The following SEMA6D variants were observed in gnomAD, a reference collection of about 807,000 sequenced individuals.
SEMA6D encodes the protein semaphorin 6D.
Under a neutral mutation model 106.6 loss-of-function variants are expected in SEMA6D, and 35 were observed. The ratio of observed to expected loss-of-function variants is 0.33; its 90% confidence interval spans 0.25 to 0.44. The LOEUF is 0.44. SEMA6D is among the 20% of genes least tolerant of loss of function. SEMA6D has a pLI of 1.00. For synonymous variants in SEMA6D, 499 were observed against 487.7 expected (o/e 1.02, Z -0.31); for missense variants, 1,185 against 1,345.9 (o/e 0.88, Z 1.87).
intron 3 of SEMA6D, among the ~76,000 whole-genome samples, chr15:47,553,747 A>T: frequency 6.7e-6 from 1 of 148,818 alleles, no homozygotes; most frequent in African/African-American, 2.5e-5. Flanking sequence ...ATAAGAAGGC[A>T]AAAAAAAAAA....
At chr15:47,521,754 G>A (rs1050596512) in intron 3 of SEMA6D, among the ~76,000 whole-genome samples, 8 of 152,298 alleles carry the variant, frequency 5.3e-5, no homozygotes, top group Admixed American at 5.2e-4. Context: ...GGGAGGCCAA[G>A]GCGGGTGGAT....
intron 4 of SEMA6D, among the ~76,000 whole-genome samples, chr15:47,645,527 T>C (rs1353624186): frequency 6.6e-6 from 1 of 152,020 alleles, no homozygotes; most frequent in Non-Finnish European, 1.5e-5. Context: ...CTTCTTCTTC[T>C]TCTCACTTAC....
intron 1 of SEMA6D, among the ~76,000 whole-genome samples, chr15:47,353,906 A>G (rs551105541): frequency 6.6e-6 from 1 of 152,122 alleles, no homozygotes; most frequent in African/African-American, 2.4e-5. Flanking sequence ...TAGAGACGAG[A>G]TGTGCAGGCA....
At chr15:47,626,060 A>G (rs1249330506) in intron 4 of SEMA6D, among the ~76,000 whole-genome samples, 1 of 152,166 alleles carries the variant, frequency 6.6e-6, no homozygotes, top group African/African-American at 2.4e-5. Context: ...AGACTTTTAA[A>G]ATATATAACT....
intron 3 of SEMA6D, among the ~76,000 whole-genome samples, chr15:47,494,035 T>G (rs976204936): frequency 3.9e-5 from 6 of 152,184 alleles, no homozygotes; most frequent in Non-Finnish European, 8.8e-5. Context: ...GTGTCACATT[T>G]TCTTCAAAGT....
chr15:47,248,755 AG>A (rs1320114806), intron 1 of SEMA6D, among the ~76,000 whole-genome samples: 1 of 152,218 alleles, frequency 6.6e-6, no homozygotes, highest in Non-Finnish European at 1.5e-5. Flanking sequence ...ACTCCCTAAT[AG>A]TTAGAGTTGA....
chr15:47,614,949 T>A (rs1222341505), intron 4 of SEMA6D, among the ~76,000 whole-genome samples: 1 of 152,188 alleles, frequency 6.6e-6, no homozygotes, highest in Non-Finnish European at 1.5e-5. Context: ...TTTTCGTCAA[T>A]TATTTTTATT....
At chr15:47,209,698 C>T (rs2141200253) in intron 1 of SEMA6D, among the ~76,000 whole-genome samples, 1 of 152,244 alleles carries the variant, frequency 6.6e-6, no homozygotes, top group Non-Finnish European at 1.5e-5. Flanking sequence ...TCCCTGGTCC[C>T]CGTCGCCTCT....
intron 1 of SEMA6D, among the ~76,000 whole-genome samples, chr15:47,266,243 T>C (rs987190145): frequency 3.9e-5 from 6 of 152,044 alleles, no homozygotes; most frequent in Admixed American, 6.6e-5. Context: ...TACACTTTTT[T>C]TTTCCAGAGC....
At chr15:47,744,105 A>G (rs185492275) in intron 1 of SEMA6D, among the ~76,000 whole-genome samples, 49 of 152,320 alleles carry the variant, frequency 3.2e-4, no homozygotes, top group African/African-American at 1.1e-3. Context: ...GGTAATAAAG[A>G]TAAAGTAGAG....
At chr15:47,303,680 A>G (rs372360272) in intron 1 of SEMA6D, among the ~76,000 whole-genome samples, 1 of 152,202 alleles carries the variant, frequency 6.6e-6, no homozygotes, top group African/African-American at 2.4e-5. Context: ...TTCATTCTAT[A>G]TTTATTGAGT....
chr15:47,347,530 A>G (rs1306968102), intron 1 of SEMA6D, among the ~76,000 whole-genome samples: 2 of 152,262 alleles, frequency 1.3e-5, no homozygotes, highest in African/African-American at 4.8e-5. Context: ...AACTAGAGAT[A>G]TATAAAAACC....
intron 3 of SEMA6D, among the ~76,000 whole-genome samples, chr15:47,532,197 T>G (rs1322006567): frequency 6.6e-6 from 1 of 152,212 alleles, no homozygotes. Context: ...TTAGCCTGTC[T>G]TGGTTGACTG....
intron 3 of SEMA6D, chr15:47,581,247 G>T: frequency 5.0e-6 from 2 of 400,844 alleles, no homozygotes; most frequent in Non-Finnish European, 9.8e-6. Context: ...TTTGCATGTT[G>T]GGCCCCCAAC....
At chr15:47,268,777 G>A (rs1444943810) in intron 1 of SEMA6D, among the ~76,000 whole-genome samples, 1 of 152,132 alleles carries the variant, frequency 6.6e-6, no homozygotes, top group Admixed American at 6.6e-5. Flanking sequence ...TTTGTGGGTT[G>A]ATGTTGGGGC....
intron 1 of SEMA6D, among the ~76,000 whole-genome samples, chr15:47,251,940 G>T (rs1252194330): frequency 5.8e-5 from 7 of 120,906 alleles, no homozygotes; most frequent in Non-Finnish European, 1.1e-4. Context: ...TTTTGAGACG[G>T]AGTCTCGCTC....
chr15:47,227,917 A>ATTTTATATATATAAGAATCTTATATATG (rs2031867074), intron 1 of SEMA6D, among the ~76,000 whole-genome samples: 1 of 139,916 alleles, frequency 7.1e-6, no homozygotes, highest in African/African-American at 2.5e-5. Context: ...TCTTATATAT[A>ATTTTATATATATAAGAATCTTATATATG]TTTTATATAT....
chr15:47,767,140 C>T (rs1203842848), intron 17 of SEMA6D, 47 bp downstream of exon 17: 3 of 1,312,078 alleles, frequency 2.3e-6, no homozygotes, highest in Non-Finnish European at 3.2e-6. Flanking sequence ...TTCTTTCCTT[C>T]AGTTCAGCAT....
intron 1 of SEMA6D, among the ~76,000 whole-genome samples, chr15:47,249,628 G>A (rs1205877732): frequency 6.6e-6 from 1 of 152,142 alleles, no homozygotes; most frequent in Non-Finnish European, 1.5e-5. Context: ...GAGCCTAAGT[G>A]TGCTGAATCT....
Sources: allele counts gnomAD v4.1 joint callset (sites outside exome capture counted in the v4.1 genomes callset), GRCh38; gene constraint gnomAD v4.1.1; transcripts MANE v1.5; gene names NCBI Gene and HGNC (gene_info 2026-07-23, HGNC 2026-07-21).